Variants in CDK15 observed in about 807,000 individuals in gnomAD.
CDK15 encodes the protein cyclin dependent kinase 15.
Under a neutral mutation model 60.3 loss-of-function variants are expected in CDK15, and 62 were observed. That is an observed-to-expected ratio of 1.03 (90% confidence interval 0.84 to 1.27). The LOEUF is 1.27. Ranked by LOEUF, CDK15 falls within the 50% of genes most tolerant of loss-of-function variation. The pLI, the probability that CDK15 is intolerant of heterozygous loss-of-function variation, is 0.00. For missense variants in CDK15, 541 were observed against 527.8 expected (o/e 1.03, Z -0.25); for synonymous variants, 194 against 195.7 (o/e 0.99, Z 0.07).
At chr2:201,815,123 G>T (rs531013597) in intron 4 of CDK15, among the ~76,000 whole-genome samples, 2 of 152,104 alleles carry the variant, frequency 1.3e-5, no homozygotes, top group Non-Finnish European at 1.5e-5. Flanking sequence ...AGCTAATTTT[G>T]TATTTTTAGT....
At chr2:201,811,808 A>G (rs550329042) in intron 3 of CDK15, among the ~76,000 whole-genome samples, 3 of 152,318 alleles carry the variant, frequency 2.0e-5, no homozygotes, top group African/African-American at 7.2e-5. Context: ...TCATTTGAAA[A>G]GTATGCCTCC....
At chr2:201,866,839 AG>A (rs1698650973) in intron 10 of CDK15, among the ~76,000 whole-genome samples, 1 of 152,152 alleles carries the variant, frequency 6.6e-6, no homozygotes, top group South Asian at 2.1e-4. Flanking sequence ...CCTGAGTGGG[AG>A]GGCAGGCCAC....
chr2:201,831,624 A>G (rs906601484), intron 6 of CDK15, among the ~76,000 whole-genome samples: 1 of 152,202 alleles, frequency 6.6e-6, no homozygotes, highest in Non-Finnish European at 1.5e-5. Flanking sequence ...ACCACTCACA[A>G]ATGCCTGTAG....
chr2:201,879,710 C>T (rs770299094), intron 11 of CDK15, among the ~76,000 whole-genome samples: 2 of 152,010 alleles, frequency 1.3e-5, no homozygotes, highest in Non-Finnish European at 2.9e-5. Flanking sequence ...AAAAAGAATC[C>T]TTGATTATAT....
At chr2:201,873,910 C>T (rs1041765678) in intron 11 of CDK15, among the ~76,000 whole-genome samples, 3 of 152,044 alleles carry the variant, frequency 2.0e-5, no homozygotes, top group African/African-American at 4.8e-5. Context: ...AACAATTAGC[C>T]GAGCGTGGTG....
chr2:201,824,640 A>G (rs1696386687), intron 6 of CDK15: 2 of 329,076 alleles, frequency 6.1e-6, no homozygotes, highest in African/African-American at 2.2e-5. Context: ...CCTTTGTAAG[A>G]TTTGTAACAA....
At chr2:201,825,150 T>C (rs1033459846) in intron 6 of CDK15, among the ~76,000 whole-genome samples, 1 of 151,822 alleles carries the variant, frequency 6.6e-6, no homozygotes, top group African/African-American at 2.4e-5. Context: ...CCGTCTCTAC[T>C]AAAGATACAA....
intron 10 of CDK15, among the ~76,000 whole-genome samples, chr2:201,861,956 C>T (rs933253962): frequency 1.3e-5 from 2 of 152,194 alleles, no homozygotes; most frequent in South Asian, 2.1e-4. Context: ...TCTCTGCTCC[C>T]TTAGAAATAT....
chr2:201,848,314 C>G (rs1351170637), intron 9 of CDK15, among the ~76,000 whole-genome samples: 3 of 151,996 alleles, frequency 2.0e-5, no homozygotes, highest in Non-Finnish European at 4.4e-5. Flanking sequence ...TTTTATGGCC[C>G]TTATATAGTA....
chr2:201,813,559 A>G (rs1159620194), intron 4 of CDK15, among the ~76,000 whole-genome samples: 1 of 152,218 alleles, frequency 6.6e-6, no homozygotes, highest in Admixed American at 6.5e-5. Context: ...GTGAAGGATG[A>G]GAAGAGAAAC....
intron 10 of CDK15, among the ~76,000 whole-genome samples, chr2:201,856,329 A>G (rs920370939): frequency 6.6e-6 from 1 of 152,196 alleles, no homozygotes; most frequent in Non-Finnish European, 1.5e-5. Context: ...CACCAGGATT[A>G]TGGAAGCCCT....
At chr2:201,841,158 TTTTGCCATTAAAAG>T in intron 8 of CDK15, among the ~76,000 whole-genome samples, 1 of 152,346 alleles carries the variant, frequency 6.6e-6, no homozygotes, top group South Asian at 2.1e-4. Flanking sequence ...TAATTGCAGT[TTTTGCCATTAAAAG>T]TAATGGCAAA....
intron 13 of CDK15, among the ~76,000 whole-genome samples, chr2:201,892,665 G>A (rs756134814): frequency 3.3e-4 from 50 of 152,212 alleles, no homozygotes; most frequent in Non-Finnish European, 6.0e-4. Context: ...CCACAAGAGG[G>A]AAAAGCTAGA....
chr2:201,890,950 T>A, intron 13 of CDK15, 23 bp downstream of exon 13: 2 of 1,295,612 alleles, frequency 1.5e-6, no homozygotes, highest in Non-Finnish European at 2.2e-6. Flanking sequence ...AACAGTGAGG[T>A]TCCTTATGGA....
In CDK15 at chr2:201,835,861, C is replaced by T. The variant is rs958990149; in HGVS notation, c.851+98C>T. On this transcript the variant is annotated intron_variant, in intron 8 of 13. Transcript: ENST00000652192. ...ATAATAATTCTAAAAATGGCAATCA[C>T]GTATATATTTTTATATATATTTATA... 3.1e-5 allele frequency: 21 copies of T among 674,810 alleles called. No individual in the cohort carries two copies. In the Admixed American group the frequency reaches 4.9e-4, roughly 16 times the overall value. 41.8% of individuals were successfully genotyped at this position (674,810 alleles called of 1,614,324 possible).
intron 6 of CDK15, among the ~76,000 whole-genome samples, chr2:201,831,469 T>A (rs1696750661): frequency 6.6e-6 from 1 of 152,134 alleles, no homozygotes; most frequent in Admixed American, 6.6e-5. Context: ...TAGGATGCAA[T>A]AATTGGTGAA....
rs1418045084 is a variant in CDK15, at chr2:201,895,130, G to T, written c.*1863G>T. 6.6e-6 allele frequency: 1 copy of T among 152,198 alleles called. No homozygotes were observed. The highest frequency in any genetic ancestry group is 1.5e-5 in the Non-Finnish European group (1 of 68,038). 9.4% of individuals were successfully genotyped at this position (152,198 alleles called of 1,614,324 possible). The stretch of plus-strand genomic sequence containing the variant: ...CAAAGAGTTCCCACAACAGTAGTGG[G>T]ATTCCTCTGCCTCTCTGAAGATATG... On this transcript the variant is annotated 3_prime_UTR_variant, in exon 14 of 14. Transcript: ENST00000652192.
At chr2:201,858,903 G>C (rs529594360) in intron 10 of CDK15, among the ~76,000 whole-genome samples, 1 of 152,088 alleles carries the variant, frequency 6.6e-6, no homozygotes, top group Non-Finnish European at 1.5e-5. Context: ...CCCCCAAAAC[G>C]CTCCTCCTTT....
At chr2:201,811,304 C>A (rs1421093541) in intron 3 of CDK15, among the ~76,000 whole-genome samples, 2 of 152,056 alleles carry the variant, frequency 1.3e-5, no homozygotes, top group African/African-American at 2.4e-5. Flanking sequence ...GTGCCCACCA[C>A]CACACCCGGC....
Sources: gnomAD v4.1 joint callset for allele counts (sites outside exome capture counted in the v4.1 genomes callset) on GRCh38, gnomAD v4.1.1 for gene constraint, MANE v1.5 for transcripts, NCBI Gene and HGNC (gene_info 2026-07-23, HGNC 2026-07-21) for gene names.